HNRNPUL1: variants seen among roughly 807,000 people sequenced by gnomAD.
HNRNPUL1 encodes heterogeneous nuclear ribonucleoprotein U like 1.
Under a neutral mutation model 108.5 loss-of-function variants are expected in HNRNPUL1, and 14 were observed. That is an observed-to-expected ratio of 0.13 (90% CI 0.09 to 0.20). The LOEUF is 0.20. Ranked by LOEUF, HNRNPUL1 falls within the 10% of genes least tolerant of loss-of-function variation. The pLI is 1.00. For synonymous variants in HNRNPUL1, 422 were observed against 445.2 expected (o/e 0.95, Z 0.66); for missense variants, 804 against 1,168.3 (o/e 0.69, Z 4.55).
At chr19:41,301,473 C>T (rs1231869540) in intron 10 of HNRNPUL1, 63 bp from the exon 11 acceptor site, 1 of 1,454,752 alleles carries the variant, frequency 6.9e-7, no homozygotes, top group Non-Finnish European at 9.4e-7. Context: ...CATAATACCC[C>T]TCAGAGGAAA....
intron 2 of HNRNPUL1, among the ~76,000 whole-genome samples, chr19:41,270,279 G>A (rs1158042560): frequency 1.3e-5 from 2 of 151,678 alleles, no homozygotes; most frequent in Non-Finnish European, 2.9e-5. Flanking sequence ...CACTGAACCC[G>A]GCCAAGTCCC....
In HNRNPUL1 at chr19:41,264,788, G is replaced by C. The variant is rs756234610; in HGVS notation, c.285G>C (p.Pro95=). Residue 95 remains proline, a synonymous_variant, in exon 1 of 15, where the codon CCG becomes CCC. Coordinates refer to ENST00000392006, the MANE Select transcript of HNRNPUL1 (RefSeq NM_007040.6). ...PHAEPGGYSG[P]DGHYAMDNIT... ...CGGAGCCCGGCGGCTACTCGGGGCC[G>C]GACGGACATTGTGAGAGTGCGCGGG... 6.2e-5 allele frequency: 84 copies of C among 1,363,756 alleles called. No homozygotes were observed. The highest frequency in any genetic ancestry group is 7.8e-5 in the Non-Finnish European group (83 of 1,062,900). The allele number at this position is 1,363,756 out of a possible 1,614,324, so 84.5% of individuals were successfully genotyped here. A position where few individuals can be genotyped will look rare whatever the true frequency, so the allele number is the denominator to read the frequency against.
chr19:41,272,574 A>G (rs933271097), intron 3 of HNRNPUL1, among the ~76,000 whole-genome samples: 11 of 151,876 alleles, frequency 7.2e-5, no homozygotes, highest in African/African-American at 1.9e-4. Context: ...TCCTAACACT[A>G]CTCCCAAATA....
chr19:41,277,186 G>A (rs2035616838), intron 5 of HNRNPUL1, among the ~76,000 whole-genome samples: 1 of 152,062 alleles, frequency 6.6e-6, no homozygotes, highest in African/African-American at 2.4e-5. Flanking sequence ...CCTACTCCCT[G>A]GAGGGAACTT....
intron 2 of HNRNPUL1, among the ~76,000 whole-genome samples, chr19:41,268,833 G>T (rs190369563): frequency 4.5e-4 from 68 of 152,048 alleles, no homozygotes; most frequent in African/African-American, 1.6e-3. Flanking sequence ...ACTTCACTCA[G>T]TCTGGGCAAC....
chr19:41,281,105 A>G, intron 6 of HNRNPUL1, 58 bp from the exon 7 acceptor site: 3 of 1,049,250 alleles, frequency 2.9e-6, no homozygotes, highest in Non-Finnish European at 4.5e-6. Flanking sequence ...TGTGGCAGCC[A>G]TTGAGGCTGT....
At chr19:41,268,476 C>A in intron 2 of HNRNPUL1, 131 bp downstream of exon 2, 1 of 936,996 alleles carries the variant, frequency 1.1e-6, no homozygotes, top group Non-Finnish European at 1.6e-6. Flanking sequence ...TAAACATTGT[C>A]ACTCTGGCAA....
chr19:41,306,407 G>T, intron 14 of HNRNPUL1, 42 bp from the exon 15 acceptor site: 1 of 1,394,300 alleles, frequency 7.2e-7, no homozygotes, highest in Non-Finnish European at 9.8e-7. Context: ...TAAATGTGTG[G>T]TGGATGCAGG....
intron 7 of HNRNPUL1, among the ~76,000 whole-genome samples, chr19:41,284,028 C>T (rs1048446317): frequency 2.6e-5 from 4 of 152,176 alleles, no homozygotes; most frequent in South Asian, 2.1e-4. Flanking sequence ...CAGTTCTTTT[C>T]GGTAAATTGT....
rs149475676 is a variant in HNRNPUL1, at chr19:41,305,833, C to T, written c.2420C>T (p.Thr807Ile). 6.2e-7 allele frequency: 1 copy of T among 1,606,000 alleles called. No individual in the cohort carries two copies. The highest frequency in any genetic ancestry group is 1.3e-5 in the African/African-American group (1 of 74,320). The stretch of plus-strand genomic sequence containing the variant: ...CCACCGCCACCCCCCACTGCACAGA[C>T]CTACCCTCAGCCCAGCTATAACCAG... ...YTPPPPPTAQ[T>I]YPQPSYNQYQ... Residue 807 changes from threonine to isoleucine, a missense_variant, in exon 14 of 15, where the codon ACC (threonine) becomes ATC (isoleucine). By Grantham distance (89) the Thr-to-Ile change is moderately conservative (BLOSUM62 -1). Coordinates refer to ENST00000392006, the MANE Select transcript of HNRNPUL1 (RefSeq NM_007040.6).
At position 41,304,102 on chromosome 19, in the gene HNRNPUL1, TCCGCCACCACAG is replaced by T; in HGVS notation, c.2106_2117del (p.Pro706_Gln709del). ...AGCAACAGCCGCCACCACAGCAGCC[TCCGCCACCACAG>T]CCACCACCCCAGCAGCCACCGCCAC... is the stretch of plus-strand genomic sequence containing the variant. On this transcript the variant is annotated inframe_deletion, in exon 13 of 15. Coordinates refer to ENST00000392006, the MANE Select transcript of HNRNPUL1 (RefSeq NM_007040.6). 6.2e-7 allele frequency: 1 copy of T among 1,612,968 alleles called. No individual in the cohort carries two copies. Among genetic ancestry groups the T allele is most frequent in the Non-Finnish European group, 8.5e-7 (1 of 1,179,296 alleles).
At position 41,294,793 on chromosome 19, in the gene HNRNPUL1, C is replaced by G. The variant is rs1452136831; in HGVS notation, c.1518+107C>G. The G allele has an allele frequency of 7.4e-6, 10 of 1,355,234 alleles. No homozygotes were observed. Among genetic ancestry groups the G allele is most frequent in the African/African-American group, 5.7e-5 (4 of 69,906 alleles). 84.0% of individuals were successfully genotyped at this position (1,355,234 alleles called of 1,614,324 possible). A position where few individuals can be genotyped will look rare whatever the true frequency, so the allele number is the denominator to read the frequency against. ...TTTTTTCCCCCGTAATGATGATGGA[C>G]TGCTGTGCTAGTCGGGGGGGTCAGA... On this transcript the variant is annotated intron_variant, in intron 10 of 14. Coordinates refer to ENST00000392006, the MANE Select transcript of HNRNPUL1 (RefSeq NM_007040.6). This position sits in a 1 kb window ranked among gnomAD's most constrained non-coding sequence, Gnocchi z 4.3.
At chr19:41,273,495 A>G (rs560010357) in intron 3 of HNRNPUL1, among the ~76,000 whole-genome samples, 66 of 152,362 alleles carry the variant, frequency 4.3e-4, no homozygotes, top group South Asian at 3.7e-3. Context: ...GGACACTGAA[A>G]AAAATGGGTC....
Position 41,292,575 on chromosome 19 carries a change from C to A in HNRNPUL1, c.1266+64C>A. The A allele has an allele frequency of 1.3e-6, 2 of 1,552,400 alleles. No homozygotes were observed. Among genetic ancestry groups the A allele is most frequent in the Non-Finnish European group, 1.8e-6 (2 of 1,129,470 alleles). On this transcript the variant is annotated intron_variant, in intron 8 of 14. Transcript: ENST00000392006. The surrounding 1 kb of genome is among the most constrained non-coding windows in gnomAD (Gnocchi z 4.1). ...CCAAGACAGAGGAGACACACACACA[C>A]ACACACACACAGACTTGCTGCGAGA... is the stretch of plus-strand genomic sequence containing the variant.
chr19:41,293,216 A>C lies in HNRNPUL1; in HGVS notation c.1266+705A>C, dbSNP rs2036693069. Among the ~76,000 whole-genome samples the C allele has an allele frequency of 3.3e-5, 5 of 152,294 alleles. No homozygotes were observed. In the South Asian group the frequency reaches 1.0e-3, roughly 32 times the overall value. On this transcript the variant is annotated intron_variant, in intron 8 of 14. Transcript: ENST00000392006. ...TGTTCTAGAAAATTAAGAAGTAAAA[A>C]ATTTAAATTTTCATAATGCCATCAT...
Position 41,264,437 on chromosome 19 carries a change from A to C in HNRNPUL1, c.-67A>C. ...TTCCCCCTTCGCCTCCTGACAGGAA[A>C]GGTTTAAGGGGGACAGAGCCCTGGG... is the stretch of plus-strand genomic sequence containing the variant. On this transcript the variant is annotated 5_prime_UTR_variant, in exon 1 of 15. Coordinates refer to ENST00000392006, the MANE Select transcript of HNRNPUL1 (RefSeq NM_007040.6). 1 of 1,244,548 alleles carries C rather than the reference A, an allele frequency of 8.0e-7. No homozygotes were observed. Among genetic ancestry groups the C allele is most frequent in the Non-Finnish European group, 1.0e-6 (1 of 979,890 alleles). The allele number at this position is 1,244,548 out of a possible 1,614,324, so 77.1% of individuals were successfully genotyped here. A position where few individuals can be genotyped will look rare whatever the true frequency, so the allele number is the denominator to read the frequency against.
intron 13 of HNRNPUL1, 43 bp downstream of exon 13, chr19:41,304,304 T>C: frequency 6.5e-7 from 1 of 1,545,696 alleles, no homozygotes; most frequent in African/African-American, 1.4e-5. Context: ...ATCGCACGTG[T>C]GCTTTTGAAC....
chr19:41,276,425 G>A (rs888567568), intron 5 of HNRNPUL1, 127 bp downstream of exon 5: 13 of 1,040,710 alleles, frequency 1.2e-5, no homozygotes, highest in Non-Finnish European at 1.6e-5. Flanking sequence ...TGTCCAAGCA[G>A]ACAAAACTGT....
Position 41,294,493 on chromosome 19 carries a change from C to T in HNRNPUL1, c.1389+33C>T. The T allele has an allele frequency of 6.2e-7, 1 of 1,614,034 alleles. No individual in the cohort carries two copies. Among genetic ancestry groups the T allele is most frequent in the African/African-American group, 1.3e-5 (1 of 75,038 alleles). ...CAGCCACTGGACTCTCCTTACTCAC[C>T]TCCAACCTACTGAGTGCTGCCCTGC... On this transcript the variant is annotated intron_variant, in intron 9 of 14. Transcript: ENST00000392006. This position sits in a 1 kb window ranked among gnomAD's most constrained non-coding sequence, Gnocchi z 4.3.
Sources: allele counts gnomAD v4.1 joint callset (sites outside exome capture counted in the v4.1 genomes callset), GRCh38; gene constraint gnomAD v4.1.1; non-coding constraint Gnocchi (gnomAD v3.1); transcripts MANE v1.5; gene names NCBI Gene and HGNC (gene_info 2026-07-23, HGNC 2026-07-21).